NEGR1: variants seen among roughly 807,000 people sequenced by gnomAD.
NEGR1 encodes neuronal growth regulator 1, also known as IgLON family member 4.
In NEGR1, 10 loss-of-function variants were observed where a neutral mutation model predicts 40.9. That is an observed-to-expected ratio of 0.24 (90% CI 0.15 to 0.42). The LOEUF (loss-of-function observed/expected upper bound fraction) is 0.42. Ranked by LOEUF, NEGR1 falls within the 10% of genes least tolerant of loss-of-function variation. The pLI is 1.00. For synonymous variants in NEGR1, 185 were observed against 166.8 expected, an observed-to-expected ratio of 1.11 and a Z score of -0.84; for missense variants, 352 against 438.9, an observed-to-expected ratio of 0.80 and a Z score of 1.77.
chr1:72,225,132 T>G (rs1654135406), intron 1 of NEGR1, among the ~76,000 whole-genome samples: 1 of 151,992 alleles, frequency 6.6e-6, no homozygotes, highest in Non-Finnish European at 1.5e-5. Context: ...GCCCATGTTT[T>G]TTTTCCAACA....
rs76630180 is a variant in NEGR1, at chr1:71,961,629, AG to A, written c.177-26319del. Among the ~76,000 whole-genome samples, 1,920 of 152,246 alleles carry A rather than the reference AG, an allele frequency of 0.013. 158 individuals carry two copies. In the East Asian group the frequency reaches 0.22, roughly 18 times the overall value. On this transcript the variant is annotated intron_variant, in intron 1 of 6. Coordinates refer to ENST00000357731, the MANE Select transcript of NEGR1 (RefSeq NM_173808.3). ...TTAACACAGGTGAAGCACAATAAAA[AG>A]AGTCATGGGAATCAAGAGGTCTGTC...
intron 1 of NEGR1, among the ~76,000 whole-genome samples, chr1:72,236,436 AAAG>A (rs200287629): frequency 0.035 from 5,250 of 152,054 alleles, 309 homozygotes; most frequent in African/African-American, 0.12. Flanking sequence ...ATAATAAAAA[AAAG>A]AAGAAGAAGA....
chr1:72,036,472 A>T (rs903422053), intron 1 of NEGR1, among the ~76,000 whole-genome samples: 3 of 151,994 alleles, frequency 2.0e-5, no homozygotes, highest in Non-Finnish European at 4.4e-5. Flanking sequence ...CCAGGCCAAC[A>T]TGGTGAAACC....
chr1:71,707,986 C>T (rs539616274), intron 3 of NEGR1, among the ~76,000 whole-genome samples: 79 of 152,224 alleles, frequency 5.2e-4, no homozygotes, highest in African/African-American at 1.9e-3. Flanking sequence ...TAGATCACAA[C>T]ACCAAAGTCC....
At chr1:71,927,346 C>G (rs1251266917) in intron 2 of NEGR1, among the ~76,000 whole-genome samples, 2 of 152,044 alleles carry the variant, frequency 1.3e-5, no homozygotes, top group African/African-American at 4.8e-5. Context: ...GTTTTTCTGT[C>G]AAGGTATATT....
chr1:71,494,832 C>T (rs1646951442), intron 6 of NEGR1, among the ~76,000 whole-genome samples: 2 of 152,038 alleles, frequency 1.3e-5, no homozygotes, highest in Non-Finnish European at 2.9e-5. Flanking sequence ...ATTGACTGTT[C>T]ACCCTTGAAC....
At chr1:72,262,776 A>C (rs2100547339) in intron 1 of NEGR1, among the ~76,000 whole-genome samples, 1 of 152,104 alleles carries the variant, frequency 6.6e-6, no homozygotes, top group South Asian at 2.1e-4. Context: ...GCAACAGCAT[A>C]TAATGCTTTT....
chr1:72,021,304 CATATT>C (rs1646754187), intron 1 of NEGR1, among the ~76,000 whole-genome samples: 3 of 152,086 alleles, frequency 2.0e-5, no homozygotes, highest in African/African-American at 4.8e-5. Context: ...AAATTATAAT[CATATT>C]ATATCATAAC....
chr1:71,696,893 A>G (rs1167836458), intron 4 of NEGR1, among the ~76,000 whole-genome samples: 1 of 151,820 alleles, frequency 6.6e-6, no homozygotes, highest in African/African-American at 2.4e-5. Flanking sequence ...TCCTGCTCCA[A>G]AAACTGCCTC....
Position 71,611,040 on chromosome 1 carries a change from G to A in NEGR1, c.774C>T (p.Tyr258=), listed in dbSNP as rs745680449. ...AAAGTCCTCACTTCTTCTCTCCTTTGTACCATTCAAAGGCTGGAGGCGGCA... is the reference window on the plus strand; with the variant it reads ...AAAGTCCTCACTTCTTCTCTCCTTTATACCATTCAAAGGCTGGAGGCGGCA... ...AGVPPPAFEW[Y]KGEKKLFNGQ... is the part of the protein sequence containing the mutation. The change falls in exon 5 of 7, where the codon TAC becomes TAT. Residue 258 remains tyrosine, a synonymous_variant. Coordinates refer to ENST00000357731, the MANE Select transcript of NEGR1 (RefSeq NM_173808.3). 1.2e-6 allele frequency: 2 copies of A among 1,613,822 alleles called. No homozygotes were observed. Among genetic ancestry groups the A allele is most frequent in the Non-Finnish European group, 8.5e-7 (1 of 1,179,908 alleles).
intron 1 of NEGR1, among the ~76,000 whole-genome samples, chr1:72,073,258 G>T (rs1361795804): frequency 6.6e-6 from 1 of 152,110 alleles, no homozygotes; most frequent in Admixed American, 6.6e-5. Context: ...TCACAGATGG[G>T]TGTCTGACCT....
At chr1:71,808,700 T>A (rs1657870101) in intron 2 of NEGR1, among the ~76,000 whole-genome samples, 1 of 152,126 alleles carries the variant, frequency 6.6e-6, no homozygotes, top group African/African-American at 2.4e-5. Flanking sequence ...TTGCATAATA[T>A]CTTCCCCCAA....
intron 6 of NEGR1, among the ~76,000 whole-genome samples, chr1:71,445,850 C>T (rs561784551): frequency 1.2e-4 from 19 of 152,282 alleles, no homozygotes; most frequent in Middle Eastern, 6.8e-3. Flanking sequence ...TTAGTAAATG[C>T]TCTCTTGAGT....
intron 1 of NEGR1, among the ~76,000 whole-genome samples, chr1:72,224,089 A>G (rs1654099443): frequency 1.3e-5 from 2 of 152,168 alleles, no homozygotes; most frequent in African/African-American, 2.4e-5. Flanking sequence ...TTAATTAAAA[A>G]TATTTTTGAA....
chr1:71,442,854 G>A (rs1017286181), intron 6 of NEGR1, among the ~76,000 whole-genome samples: 4 of 152,126 alleles, frequency 2.6e-5, no homozygotes, highest in Admixed American at 6.5e-5. Context: ...CAAATTGAAG[G>A]TTATTGAGAC....
chr1:72,142,120 T>C (rs889964584), intron 1 of NEGR1, among the ~76,000 whole-genome samples: 16 of 151,918 alleles, frequency 1.1e-4, no homozygotes, highest in African/African-American at 3.9e-4. Context: ...AGAAGGCCCG[T>C]ACTTCATCAT....
At chr1:71,471,433 G>T (rs1406541291) in intron 6 of NEGR1, among the ~76,000 whole-genome samples, 1 of 152,186 alleles carries the variant, frequency 6.6e-6, no homozygotes, top group East Asian at 1.9e-4. Flanking sequence ...ATCACCTGAG[G>T]TTGGGAGTTC....
intron 1 of NEGR1, among the ~76,000 whole-genome samples, chr1:72,032,012 T>C (rs916720484): frequency 1.3e-5 from 2 of 152,130 alleles, no homozygotes; most frequent in Non-Finnish European, 2.9e-5. Flanking sequence ...CAGACTAGAA[T>C]TGAGGAAGTC....
chr1:71,547,381 A>C (rs1647934159), intron 6 of NEGR1, among the ~76,000 whole-genome samples: 1 of 151,746 alleles, frequency 6.6e-6, no homozygotes, highest in African/African-American at 2.4e-5. Flanking sequence ...TGTATTTTGC[A>C]ATTTAGCAAA....
Sources: gnomAD v4.1 joint callset for allele counts (sites outside exome capture counted in the v4.1 genomes callset) on GRCh38, gnomAD v4.1.1 for gene constraint, MANE v1.5 for transcripts, NCBI Gene and HGNC (gene_info 2026-07-23, HGNC 2026-07-21) for gene names.